The following CRPPA variants were observed in gnomAD, a reference collection of about 807,000 sequenced individuals.
CRPPA encodes the protein CDP-L-ribitol pyrophosphorylase A.
Under a neutral mutation model 52.0 loss-of-function variants are expected in CRPPA, and 43 were observed. That is an observed-to-expected ratio of 0.83 (90% CI 0.65 to 1.07). The LOEUF (loss-of-function observed/expected upper bound fraction) is 1.07, where lower values mean the gene tolerates loss of function less well. Ranked by LOEUF, CRPPA falls within the 50% of genes least tolerant of loss-of-function variation. The pLI is 0.00. For missense variants in CRPPA, 629 were observed against 551.7 expected (o/e 1.14, Z -1.40); for synonymous variants, 250 against 203.5 (o/e 1.23, Z -1.94).
chr7:16,170,608 C>A (rs1781160328), intron 9 of CRPPA, among the ~76,000 whole-genome samples: 1 of 152,214 alleles, frequency 6.6e-6, no homozygotes, highest in African/African-American at 2.4e-5. Flanking sequence ...AGTGGGTTGC[C>A]ATTGCTGGCT....
At chr7:16,161,970 G>A (rs1368387892) in intron 9 of CRPPA, among the ~76,000 whole-genome samples, 1 of 152,134 alleles carries the variant, frequency 6.6e-6, no homozygotes, top group Non-Finnish European at 1.5e-5. Context: ...TAGTTTATTT[G>A]CATAGAGGAG....
chr7:16,107,689 G>T (rs1782184814), intron 9 of CRPPA, among the ~76,000 whole-genome samples: 2 of 152,016 alleles, frequency 1.3e-5, no homozygotes, highest in East Asian at 1.9e-4. Context: ...AAAATCAATT[G>T]TATAAGTAAA....
At chr7:16,120,877 T>C (rs867509816) in intron 9 of CRPPA, among the ~76,000 whole-genome samples, 1 of 152,066 alleles carries the variant, frequency 6.6e-6, no homozygotes, top group South Asian at 2.1e-4. Flanking sequence ...ATACATTATT[T>C]AAAGTGTATC....
rs188705702 is a variant in CRPPA, at chr7:16,144,245, C to T, written c.1252-52446G>A. ...CCCTTTCACCAAAAATCCAGGGATGCGCCATGCCCATTCATGCCTGCAGTA... is the reference window on the plus strand; with the variant it reads ...CCCTTTCACCAAAAATCCAGGGATGTGCCATGCCCATTCATGCCTGCAGTA... On this transcript the variant is annotated intron_variant, in intron 9 of 9. Transcript: ENST00000407010. Among the ~76,000 whole-genome samples, 169 of 152,296 alleles carry T rather than the reference C, an allele frequency of 1.1e-3. 1 individual carries two copies. The highest frequency in any genetic ancestry group is 3.9e-3 in the African/African-American group (162 of 41,566).
rs549899400 is a variant in CRPPA at position 16,329,646 on chromosome 7, C to T, written c.685-21019G>A. On this transcript the variant is annotated intron_variant, in intron 3 of 9. Transcript: ENST00000407010. ...GTATCAGACCCTGCCTAATCTTTGC[C>T]TCTCATCAGTAAATTGCAGTTACAA... Among the ~76,000 whole-genome samples, 47 of 152,286 alleles carry T rather than the reference C, an allele frequency of 3.1e-4. 1 individual carries two copies. The East Asian group carries it at 4.6e-3, about 15-fold the overall frequency.
intron 6 of CRPPA, chr7:16,266,402 A>T (rs559557851): frequency 6.6e-6 from 1 of 152,210 alleles, no homozygotes; most frequent in African/African-American, 2.4e-5. Context: ...AGGACCATGG[A>T]ATGGAAAATG....
chr7:16,374,013 A>G (rs999878972), intron 3 of CRPPA, among the ~76,000 whole-genome samples: 5 of 152,178 alleles, frequency 3.3e-5, no homozygotes, highest in African/African-American at 1.2e-4. Flanking sequence ...CAATTGCCAG[A>G]TATCTGCTTG....
At chr7:16,309,693 G>T (rs1337019413) in intron 3 of CRPPA, among the ~76,000 whole-genome samples, 1 of 151,774 alleles carries the variant, frequency 6.6e-6, no homozygotes, top group Non-Finnish European at 1.5e-5. Flanking sequence ...ATTTTAGAAA[G>T]CATATCCATG....
chr7:16,326,979 G>A (rs894653094), intron 3 of CRPPA, among the ~76,000 whole-genome samples: 1 of 152,110 alleles, frequency 6.6e-6, no homozygotes, highest in African/African-American at 2.4e-5. Context: ...AAAAAAGTAG[G>A]AGATTGGGTC....
intron 9 of CRPPA, among the ~76,000 whole-genome samples, chr7:16,139,870 G>A (rs1782834218): frequency 6.6e-6 from 1 of 151,754 alleles, no homozygotes; most frequent in Admixed American, 6.6e-5. Flanking sequence ...TAACCACCTA[G>A]AATTCCATCA....
chr7:16,169,242 A>G (rs1431016963), intron 9 of CRPPA, among the ~76,000 whole-genome samples: 1 of 152,198 alleles, frequency 6.6e-6, no homozygotes, highest in East Asian at 1.9e-4. Context: ...AGGGAAGAAA[A>G]TATGACAGGG....
rs1389432104 is a variant in CRPPA, at chr7:16,219,514, T to A, written c.1120-3317A>T. On this transcript the variant is annotated intron_variant, in intron 8 of 9. Coordinates refer to ENST00000407010, the MANE Select transcript of CRPPA (RefSeq NM_001101426.4). Reference sequence around the variant, plus strand: ...TTAATGAATCCAGGAGCTGGTTTTTTGAAAGGATCAACAAAATTGATAGAC... The same window carrying A: ...TTAATGAATCCAGGAGCTGGTTTTTAGAAAGGATCAACAAAATTGATAGAC... Among the ~76,000 whole-genome samples the A allele has an allele frequency of 2.2e-4, 24 of 108,896 alleles. No individual in the cohort carries two copies. The East Asian group carries it at 4.9e-3, about 22-fold the overall frequency. 71.4% of individuals were successfully genotyped at this position (108,896 alleles called of 152,430 possible).
chr7:16,112,901 T>A (rs1291577322), intron 9 of CRPPA, among the ~76,000 whole-genome samples: 3 of 152,070 alleles, frequency 2.0e-5, no homozygotes, highest in Non-Finnish European at 4.4e-5. Context: ...ATGGAATATG[T>A]AGTTAGGCAA....
At chr7:16,300,079 A>T (rs74464548) in intron 5 of CRPPA, among the ~76,000 whole-genome samples, 1 of 152,202 alleles carries the variant, frequency 6.6e-6, no homozygotes, top group Non-Finnish European at 1.5e-5. Context: ...GTTGATATGT[A>T]AATATGTCAA....
rs1214315753 is a variant in CRPPA at position 16,220,408 on chromosome 7, A to G, written c.1120-4211T>C. On this transcript the variant is annotated intron_variant, in intron 8 of 9. Coordinates refer to ENST00000407010, the MANE Select transcript of CRPPA (RefSeq NM_001101426.4). ...CAAGACAGGGATGCCCTCTCTCACC[A>G]CTCCTATTCAACATAGTGTTGGAAG... Among the ~76,000 whole-genome samples the G allele has an allele frequency of 5.1e-5, 4 of 79,106 alleles. No individual in the cohort carries two copies. The East Asian group carries it at 9.2e-4, about 18-fold the overall frequency. 51.9% of individuals were successfully genotyped at this position (79,106 alleles called of 152,430 possible). A position where few individuals can be genotyped will look rare whatever the true frequency, so the allele number is the denominator to read the frequency against.
intron 9 of CRPPA, among the ~76,000 whole-genome samples, chr7:16,201,806 A>G (rs910341302): frequency 6.6e-6 from 1 of 152,136 alleles, no homozygotes; most frequent in Non-Finnish European, 1.5e-5. Context: ...CTCTTAAATA[A>G]TTGTATTATT....
chr7:16,237,825 G>A (rs1782991838), intron 8 of CRPPA, among the ~76,000 whole-genome samples: 1 of 152,168 alleles, frequency 6.6e-6, no homozygotes, highest in Non-Finnish European at 1.5e-5. Flanking sequence ...ACACTCAGTG[G>A]CTCTTTCTAA....
chr7:16,414,846 T>C (rs952682310), intron 1 of CRPPA, among the ~76,000 whole-genome samples: 1 of 152,212 alleles, frequency 6.6e-6, no homozygotes, highest in African/African-American at 2.4e-5. Context: ...AAATGAGTTG[T>C]TATATGTGAT....
chr7:16,184,087 G>T (rs1006529548), intron 9 of CRPPA, among the ~76,000 whole-genome samples: 1 of 151,836 alleles, frequency 6.6e-6, no homozygotes, highest in Non-Finnish European at 1.5e-5. Context: ...GACTACAGGC[G>T]CACACCACCA....
Sources: gnomAD v4.1 joint callset for allele counts (sites outside exome capture counted in the v4.1 genomes callset) on GRCh38, gnomAD v4.1.1 for gene constraint, MANE v1.5 for transcripts, NCBI Gene and HGNC (gene_info 2026-07-23, HGNC 2026-07-21) for gene names.